ZNF407: variants seen among roughly 807,000 people sequenced by gnomAD.
ZNF407 encodes zinc finger protein 407.
ZNF407 carries 17 observed loss-of-function variants against 131.2 expected under a neutral mutation model. The ratio of observed to expected loss-of-function variants is 0.13; its 90% CI spans 0.09 to 0.19. The LOEUF is 0.19. ZNF407 is among the 10% of genes least tolerant of loss of function. The pLI, the probability that ZNF407 is intolerant of heterozygous loss-of-function variation, is 1.00. For missense variants in ZNF407, 2,681 were observed against 2,830.6 expected (o/e 0.95, Z 1.20); for synonymous variants, 1,156 against 1,062.0 (o/e 1.09, Z -1.72).
At chr18:74,740,299 T>C (rs1285360976) in intron 3 of ZNF407, among the ~76,000 whole-genome samples, 4 of 152,216 alleles carry the variant, frequency 2.6e-5, no homozygotes, top group African/African-American at 9.6e-5. Flanking sequence ...ATAAGGACTC[T>C]TATGACTGCA....
At chr18:74,804,464 G>A in intron 4 of ZNF407, 1 of 989,514 alleles carries the variant, frequency 1.0e-6, no homozygotes, top group South Asian at 4.6e-5. Flanking sequence ...TCGTTAATCA[G>A]CACATGGATC....
intron 8 of ZNF407, among the ~76,000 whole-genome samples, chr18:74,991,276 C>A (rs1352982164): frequency 6.6e-6 from 1 of 152,180 alleles, no homozygotes; most frequent in Non-Finnish European, 1.5e-5. Flanking sequence ...TGTTTGTGTG[C>A]ACACACTTCG....
At chr18:75,024,489 G>A (rs775102772) in intron 8 of ZNF407, among the ~76,000 whole-genome samples, 1 of 152,126 alleles carries the variant, frequency 6.6e-6, no homozygotes, top group East Asian at 1.9e-4. Context: ...CACTTTTTGT[G>A]ACCTATTAAC....
intron 3 of ZNF407, among the ~76,000 whole-genome samples, chr18:74,708,890 G>A (rs894270608): frequency 2.6e-5 from 4 of 152,214 alleles, no homozygotes; most frequent in East Asian, 1.9e-4. Flanking sequence ...CAGGCATGGC[G>A]CATCAAAGTT....
chr18:74,754,419 T>C (rs1222300770), intron 3 of ZNF407, among the ~76,000 whole-genome samples: 1 of 152,230 alleles, frequency 6.6e-6, no homozygotes, highest in East Asian at 1.9e-4. Flanking sequence ...CTTGCTTCTC[T>C]AGTTCTTTTA....
chr18:74,722,192 A>T (rs1433742472), intron 3 of ZNF407, among the ~76,000 whole-genome samples: 2 of 150,076 alleles, frequency 1.3e-5, no homozygotes, highest in Non-Finnish European at 3.0e-5. Context: ...TCAGCCATTA[A>T]TTTTTTTTCT....
At chr18:74,975,155 G>A (rs1042131981) in intron 8 of ZNF407, among the ~76,000 whole-genome samples, 2 of 152,174 alleles carry the variant, frequency 1.3e-5, no homozygotes, top group Non-Finnish European at 2.9e-5. Flanking sequence ...AATGCATAGA[G>A]CTGACATCCT....
chr18:74,839,881 G>A (rs2145129868), intron 4 of ZNF407, among the ~76,000 whole-genome samples: 1 of 152,286 alleles, frequency 6.6e-6, no homozygotes, highest in Non-Finnish European at 1.5e-5. Context: ...ATACCAGGAA[G>A]AGTCAAAAAA....
chr18:74,813,724 C>T (rs1970230810), intron 4 of ZNF407, among the ~76,000 whole-genome samples: 1 of 152,162 alleles, frequency 6.6e-6, no homozygotes, highest in Non-Finnish European at 1.5e-5. Flanking sequence ...TCCGCCTCCT[C>T]CTCTAATTCG....
chr18:74,977,782 G>A (rs1328947682), intron 8 of ZNF407, among the ~76,000 whole-genome samples: 1 of 152,234 alleles, frequency 6.6e-6, no homozygotes, highest in African/African-American at 2.4e-5. Flanking sequence ...ATGACTCGGA[G>A]TAAGTTACTA....
In ZNF407 at chr18:74,632,932, A is replaced by G; in HGVS notation, c.1913A>G (p.Lys638Arg). The change falls in exon 2 of 9, where the codon AAG becomes AGG. Residue 638 changes from lysine (K) to arginine (R), a missense_variant. Lys to Arg is a conservative substitution (Grantham distance 26). Transcript: ENST00000299687. The part of the protein sequence containing the change: ...KDVEEHKATE[K>R]HINSLVQPKT... The stretch of plus-strand genomic sequence containing the variant: ...GTGGAAGAACACAAAGCCACCGAGA[A>G]GCATATTAATTCATTGGTTCAACCA... 1 of 1,613,202 alleles carries G rather than the reference A, an allele frequency of 6.2e-7. No homozygotes were observed. The highest frequency in any genetic ancestry group is 1.3e-5 in the African/African-American group (1 of 74,912).
At chr18:74,961,456 C>A (rs1486184379) in intron 8 of ZNF407, among the ~76,000 whole-genome samples, 1 of 152,172 alleles carries the variant, frequency 6.6e-6, no homozygotes, top group Non-Finnish European at 1.5e-5. Flanking sequence ...CAGTGGCTCA[C>A]ACCTGTAATT....
rs1388759996 is a variant in ZNF407 at position 74,889,937 on chromosome 18, C to T, written c.5148C>T (p.Cys1716=). 7 of 1,608,380 alleles carry T rather than the reference C, an allele frequency of 4.4e-6. No homozygotes were observed. In the Admixed American group the frequency reaches 5.1e-5, roughly 12 times the overall value. ...RQHTGEKPFK[C]DECNFASTTQ... ...TTACAGGAGAAAAACCTTTCAAGTG[C>T]GATGAGTGTAACTTTGCCTCCACAA... The change falls in exon 7 of 9, where the codon TGC becomes TGT. Residue 1716 remains cysteine (C), a synonymous_variant. Transcript: ENST00000299687.
rs1295136128 is a variant in ZNF407 at position 74,634,022 on chromosome 18, G to C, written c.3003G>C (p.Gln1001His). The change falls in exon 2 of 9, where the codon CAG (glutamine) becomes CAC (histidine). Residue 1001 changes from glutamine (Q) to histidine (H), a missense_variant. Coordinates refer to ENST00000299687, the MANE Select transcript of ZNF407 (RefSeq NM_017757.3). ...QISSEPEDFA[Q>H]PGDVYSQRDV... The stretch of plus-strand genomic sequence containing the variant: ...CTTCAGAGCCAGAGGACTTCGCCCA[G>C]CCGGGGGATGTGTACTCCCAGAGAG... 3 of 1,613,914 alleles carry C rather than the reference G, an allele frequency of 1.9e-6. No individual in the cohort carries two copies. Among genetic ancestry groups the C allele is most frequent in the Non-Finnish European group, 2.5e-6 (3 of 1,179,902 alleles).
At position 74,634,501 on chromosome 18, in the gene ZNF407, A is replaced by G. The variant is rs763238184; in HGVS notation, c.3482A>G (p.Asp1161Gly). 1.9e-6 allele frequency: 3 copies of G among 1,613,830 alleles called. No homozygotes were observed. Among genetic ancestry groups the G allele is most frequent in the Admixed American group, 3.3e-5 (2 of 60,020 alleles). ...GAAGAAGAATCTAATTTCAATGAAG[A>G]CCATTCCTTTTGTGAGACTTTCCAA... is the stretch of plus-strand genomic sequence containing the variant. ...ETEEESNFNE[D>G]HSFCETFQQA... The change falls in exon 2 of 9, where the codon GAC becomes GGC. Residue 1161 changes from aspartate to glycine, a missense_variant. Asp to Gly is a moderately conservative substitution (Grantham distance 94). This residue lies in a region of ZNF407 where 1,789 missense variants were observed against 1,748.7 expected (regional missense o/e 1.02). Coordinates refer to ENST00000299687, the MANE Select transcript of ZNF407 (RefSeq NM_017757.3).
chr18:74,994,102 A>C (rs1972750327), intron 8 of ZNF407, among the ~76,000 whole-genome samples: 1 of 152,212 alleles, frequency 6.6e-6, no homozygotes, highest in Non-Finnish European at 1.5e-5. Flanking sequence ...ATTGGAGAAT[A>C]TTAGTGTATC....
rs1984438153 is a variant in ZNF407 at position 74,635,837 on chromosome 18, T to G, written c.4687+131T>G. The stretch of plus-strand genomic sequence containing the variant: ...CACATTTCACTGCCGTGTGCTGCTC[T>G]GCTTGTCTGCAATAAGTCATTGTTG... On this transcript the variant is annotated intron_variant, in intron 2 of 8. Coordinates refer to ENST00000299687, the MANE Select transcript of ZNF407 (RefSeq NM_017757.3). The surrounding 1 kb of genome is among the most constrained non-coding windows in gnomAD (Gnocchi z 4.7). The G allele has an allele frequency of 1.6e-6, 2 of 1,231,942 alleles. No individual in the cohort carries two copies. Among genetic ancestry groups the G allele is most frequent in the African/African-American group, 3.0e-5 (2 of 66,614 alleles). The allele number at this position is 1,231,942 out of a possible 1,614,324, so 76.3% of individuals were successfully genotyped here.
chr18:74,966,596 G>T (rs1232660163), intron 8 of ZNF407, among the ~76,000 whole-genome samples: 1 of 152,154 alleles, frequency 6.6e-6, no homozygotes, highest in Non-Finnish European at 1.5e-5. Context: ...GTCAGGTAAT[G>T]TGATTCCTCC....
chr18:75,011,879 G>A (rs17056157), intron 8 of ZNF407, among the ~76,000 whole-genome samples: 26,627 of 152,038 alleles, frequency 0.18, 2,463 homozygotes, highest in Middle Eastern at 0.31. Flanking sequence ...TTAGCCCAAT[G>A]ACAAATAGAC....
Sources: allele counts gnomAD v4.1 joint callset (sites outside exome capture counted in the v4.1 genomes callset), GRCh38; gene constraint gnomAD v4.1.1; regional missense constraint gnomAD v4.1.1; non-coding constraint Gnocchi (gnomAD v3.1); transcripts MANE v1.5; gene names NCBI Gene and HGNC (gene_info 2026-07-23, HGNC 2026-07-21).